The following NAALADL2 variants were observed in gnomAD, a reference collection of about 807,000 sequenced individuals.
NAALADL2 encodes N-acetylated alpha-linked acidic dipeptidase like 2, also known as inactive N-acetylated-alpha-linked acidic dipeptidase-like protein 2.
NAALADL2 carries 76 observed loss-of-function variants against 87.2 expected under a neutral mutation model. The observed-to-expected ratio is 0.87, with a 90% CI of 0.72 to 1.05. The LOEUF (loss-of-function observed/expected upper bound fraction) is 1.05, where lower values mean the gene tolerates loss of function less well. Ranked by LOEUF, NAALADL2 falls within the 50% of genes least tolerant of loss-of-function variation. The pLI is 0.00. For synonymous variants in NAALADL2, 354 were observed against 331.0 expected (o/e 1.07, Z -0.75); for missense variants, 1,089 against 945.8 (o/e 1.15, Z -1.99).
At chr3:175,251,572 T>C (rs1389006451) in intron 3 of NAALADL2, among the ~76,000 whole-genome samples, 1 of 152,184 alleles carries the variant, frequency 6.6e-6, no homozygotes, top group Non-Finnish European at 1.5e-5. Context: ...TAAGTTAACA[T>C]AGTACCCCAA....
At chr3:175,591,784 GTATATATATATATATATATA>G (rs57196350) in intron 10 of NAALADL2, among the ~76,000 whole-genome samples, 88,977 of 137,822 alleles carry the variant, frequency 0.65, 30,408 homozygotes, top group East Asian at 0.87. Context: ...GTGTGTGTGT[GTATATATATATATATATATA>G]TATATATATA....
intron 11 of NAALADL2, among the ~76,000 whole-genome samples, chr3:175,629,319 C>T (rs62284518): frequency 0.25 from 37,427 of 147,746 alleles, 5,312 homozygotes; most frequent in African/African-American, 0.39. Context: ...CACACATAAA[C>T]ATTCATGAAT....
intron 5 of NAALADL2, among the ~76,000 whole-genome samples, chr3:175,378,923 T>C (rs543553616): frequency 4.1e-4 from 62 of 152,302 alleles, no homozygotes; most frequent in Non-Finnish European, 7.8e-4. Flanking sequence ...TTGTAACTTG[T>C]AGGTTGAAAT....
chr3:175,118,915 T>C (rs902789741), intron 2 of NAALADL2, among the ~76,000 whole-genome samples: 2 of 151,736 alleles, frequency 1.3e-5, no homozygotes, highest in African/African-American at 4.8e-5. Flanking sequence ...GTCCATTTTT[T>C]CCCCTTTGGC....
chr3:174,978,353 C>G (rs968956311), intron 1 of NAALADL2, among the ~76,000 whole-genome samples: 4 of 152,172 alleles, frequency 2.6e-5, no homozygotes, highest in African/African-American at 9.7e-5. Context: ...GGTTGAAAGG[C>G]TTGAAGAAAG....
At chr3:175,500,072 T>C (rs1404657348) in intron 9 of NAALADL2, among the ~76,000 whole-genome samples, 1 of 152,038 alleles carries the variant, frequency 6.6e-6, no homozygotes, top group Non-Finnish European at 1.5e-5. Context: ...CAAAAATAAA[T>C]ACCGAATGAC....
intron 12 of NAALADL2, among the ~76,000 whole-genome samples, chr3:175,749,157 G>T (rs1356886575): frequency 9.1e-6 from 1 of 109,552 alleles, no homozygotes; most frequent in Non-Finnish European, 1.8e-5. Context: ...GAAGGGAGGG[G>T]AGGGGAAGGG....
chr3:175,611,155 T>A (rs1724593223), intron 10 of NAALADL2, among the ~76,000 whole-genome samples: 1 of 152,108 alleles, frequency 6.6e-6, no homozygotes, highest in Non-Finnish European at 1.5e-5. Flanking sequence ...TCTTCAGATT[T>A]GCTTATTCTA....
chr3:175,543,134 T>G (rs926929088), intron 9 of NAALADL2, among the ~76,000 whole-genome samples: 4 of 152,176 alleles, frequency 2.6e-5, no homozygotes, highest in African/African-American at 9.7e-5. Context: ...TAAATTCTTA[T>G]CCACCTAATA....
At chr3:175,750,438 C>G (rs1746488724) in intron 12 of NAALADL2, among the ~76,000 whole-genome samples, 1 of 152,114 alleles carries the variant, frequency 6.6e-6, no homozygotes, top group Non-Finnish European at 1.5e-5. Flanking sequence ...TTCCTTCTTT[C>G]TTCCTCTTTA....
intron 1 of NAALADL2, among the ~76,000 whole-genome samples, chr3:175,032,189 G>C (rs1169863127): frequency 6.6e-6 from 1 of 151,584 alleles, no homozygotes; most frequent in Non-Finnish European, 1.5e-5. Context: ...TCATTTCCCA[G>C]GGCTGATGTC....
rs533542384 is a variant in NAALADL2, at chr3:174,807,938, A to G, written c.-9+70192A>G. ...GTAGTAGAATGTGTCTCTAATATAA[A>G]GCCCAAATTAAGTTACTATGTGGTA... On this transcript the variant is annotated intron_variant, in intron 3 of 3. Transcript: ENST00000434257. 4.0e-5 allele frequency among the ~76,000 whole-genome samples: 6 copies of G among 151,630 alleles called. No individual in the cohort carries two copies. In the East Asian group the frequency reaches 1.2e-3, roughly 29 times the overall value.
chr3:174,482,467 G>T (rs773622342), intron 1 of NAALADL2, among the ~76,000 whole-genome samples: 7 of 152,060 alleles, frequency 4.6e-5, no homozygotes, highest in Non-Finnish European at 1.0e-4. Flanking sequence ...CAGTTAGAAA[G>T]AAGTAAAGTA....
intron 10 of NAALADL2, among the ~76,000 whole-genome samples, chr3:175,620,995 G>A (rs1455599704): frequency 6.6e-6 from 1 of 152,132 alleles, no homozygotes; most frequent in African/African-American, 2.4e-5. Context: ...GAATAAGGAG[G>A]CTCTGACCGG....
intron 3 of NAALADL2, among the ~76,000 whole-genome samples, chr3:174,806,625 G>C (rs1025514976): frequency 2.0e-5 from 3 of 152,154 alleles, no homozygotes; most frequent in African/African-American, 7.2e-5. Flanking sequence ...ACAGAGATTT[G>C]TCCAGATGCA....
chr3:174,869,945 G>A (rs1170553342), intron 1 of NAALADL2, among the ~76,000 whole-genome samples: 2 of 144,158 alleles, frequency 1.4e-5, no homozygotes, highest in South Asian at 2.2e-4. Flanking sequence ...CCAGTGGGCC[G>A]AGATCACGCC....
intron 9 of NAALADL2, among the ~76,000 whole-genome samples, chr3:175,517,548 A>T (rs991325149): frequency 3.9e-5 from 6 of 152,258 alleles, no homozygotes; most frequent in African/African-American, 1.4e-4. Context: ...TCCAATTTTA[A>T]ATTTAAAGAT....
chr3:175,490,359 CA>C (rs371127402), intron 9 of NAALADL2, among the ~76,000 whole-genome samples: 363 of 152,042 alleles, frequency 2.4e-3, no homozygotes, highest in African/African-American at 8.5e-3. Context: ...TCGCTTAAAA[CA>C]TAAGTATCTA....
chr3:174,853,043 T>G (rs1725430390), intron 3 of NAALADL2, among the ~76,000 whole-genome samples: 1 of 151,836 alleles, frequency 6.6e-6, no homozygotes, highest in East Asian at 1.9e-4. Context: ...TCTCTCATCA[T>G]GTTCAAAAAT....
Sources: gnomAD v4.1 joint callset for allele counts (sites outside exome capture counted in the v4.1 genomes callset) on GRCh38, gnomAD v4.1.1 for gene constraint, MANE v1.5 for transcripts, NCBI Gene and HGNC (gene_info 2026-07-23, HGNC 2026-07-21) for gene names.